CHRM3: variants seen among roughly 807,000 people sequenced by gnomAD.
CHRM3 encodes muscarinic acetylcholine receptor M3.
Under a neutral mutation model 41.8 loss-of-function variants are expected in CHRM3, and 11 were observed. The observed-to-expected ratio is 0.26, with a 90% CI of 0.17 to 0.44. The LOEUF (loss-of-function observed/expected upper bound fraction) is 0.44. CHRM3 is among the 20% of genes least tolerant of loss of function. The pLI, the probability that CHRM3 is intolerant of heterozygous loss-of-function variation, is 1.00. For synonymous variants in CHRM3, 297 were observed against 301.4 expected (o/e 0.99, Z 0.15); for missense variants, 571 against 745.4 (o/e 0.77, Z 2.72).
intron 6 of CHRM3, among the ~76,000 whole-genome samples, chr1:239,873,288 A>G (rs1256554253): frequency 6.6e-6 from 1 of 152,118 alleles, no homozygotes; most frequent in Non-Finnish European, 1.5e-5. Context: ...AATAAACCCT[A>G]CCTTTGCTTC....
intron 2 of CHRM3, among the ~76,000 whole-genome samples, chr1:239,526,945 A>C (rs970036194): frequency 6.6e-6 from 1 of 151,862 alleles, no homozygotes; most frequent in Non-Finnish European, 1.5e-5. Context: ...ATATAGGGAG[A>C]CCCTGTCTCT....
At chr1:239,389,613 C>T (rs1658844860) in intron 1 of CHRM3, among the ~76,000 whole-genome samples, 1 of 152,140 alleles carries the variant, frequency 6.6e-6, no homozygotes, top group Non-Finnish European at 1.5e-5. Flanking sequence ...AATTGGCAGA[C>T]ATAGAATTTC....
intron 3 of CHRM3, among the ~76,000 whole-genome samples, chr1:239,552,467 T>C (rs1476074855): frequency 2.0e-5 from 3 of 147,520 alleles, no homozygotes; most frequent in Non-Finnish European, 4.5e-5. Flanking sequence ...TTTATATATG[T>C]ATAGATGATA....
intron 3 of CHRM3, among the ~76,000 whole-genome samples, chr1:239,595,869 C>T (rs1489289839): frequency 1.3e-5 from 2 of 151,964 alleles, no homozygotes; most frequent in African/African-American, 2.4e-5. Context: ...TACAGATAGT[C>T]CCATAATTCT....
chr1:239,423,147 T>G (rs1459368192), intron 1 of CHRM3, among the ~76,000 whole-genome samples: 1 of 152,220 alleles, frequency 6.6e-6, no homozygotes, highest in Non-Finnish European at 1.5e-5. Flanking sequence ...TGCCTGTACC[T>G]AGGGAATCTC....
intron 2 of CHRM3, 148 bp from the exon 3 acceptor site, chr1:239,545,493 G>A (rs1659204564): frequency 6.6e-6 from 1 of 152,046 alleles, no homozygotes; most frequent in Non-Finnish European, 1.5e-5. Context: ...AACAATAGAG[G>A]TATGTAGGTT....
intron 5 of CHRM3, among the ~76,000 whole-genome samples, chr1:239,749,836 T>C (rs1665664307): frequency 6.6e-6 from 1 of 152,218 alleles, no homozygotes; most frequent in South Asian, 2.1e-4. Flanking sequence ...TAGGGTATTC[T>C]GACCTCAAAA....
intron 4 of CHRM3, among the ~76,000 whole-genome samples, chr1:239,671,735 G>C (rs1474526151): frequency 1.3e-5 from 2 of 151,362 alleles, no homozygotes; most frequent in African/African-American, 4.9e-5. Context: ...ACTCTGCCTT[G>C]GATATAATTG....
At chr1:239,691,677 A>T (rs7523711) in intron 5 of CHRM3, among the ~76,000 whole-genome samples, 20,956 of 152,188 alleles carry the variant, frequency 0.14, 3,757 homozygotes, top group African/African-American at 0.41. Context: ...CCACTCATAA[A>T]TTTAAATGAA....
At chr1:239,759,317 A>G (rs1463831262) in intron 5 of CHRM3, among the ~76,000 whole-genome samples, 1 of 146,980 alleles carries the variant, frequency 6.8e-6, no homozygotes, top group African/African-American at 2.5e-5. Flanking sequence ...ATTATTTTGA[A>G]AAAAAAAAAA....
intron 3 of CHRM3, among the ~76,000 whole-genome samples, chr1:239,597,180 T>A (rs960968128): frequency 2.6e-5 from 4 of 152,220 alleles, no homozygotes; most frequent in African/African-American, 9.7e-5. Context: ...CATTTTATTA[T>A]CATCAGCGGC....
At chr1:239,877,443 G>T (rs1342249245) in intron 6 of CHRM3, among the ~76,000 whole-genome samples, 1 of 151,968 alleles carries the variant, frequency 6.6e-6, no homozygotes, top group Non-Finnish European at 1.5e-5. Context: ...AAAGAAAGGA[G>T]AGAATAAAAT....
intron 1 of CHRM3, among the ~76,000 whole-genome samples, chr1:239,443,982 T>C (rs1177955658): frequency 6.6e-6 from 1 of 152,188 alleles, no homozygotes; most frequent in African/African-American, 2.4e-5. Context: ...ATATTTATTG[T>C]CTTAATGCTT....
chr1:239,829,828 A>G (rs936698171), intron 6 of CHRM3, among the ~76,000 whole-genome samples: 2 of 152,214 alleles, frequency 1.3e-5, no homozygotes, highest in Non-Finnish European at 2.9e-5. Context: ...TCAGAGCCTC[A>G]GAATTGCTAG....
At chr1:239,564,647 A>G (rs562063161) in intron 3 of CHRM3, among the ~76,000 whole-genome samples, 51 of 152,220 alleles carry the variant, frequency 3.4e-4, no homozygotes, top group African/African-American at 1.1e-3. Context: ...GCAACCAACT[A>G]TAGTTTTTAG....
chr1:239,505,654 A>C (rs577840340), intron 2 of CHRM3, among the ~76,000 whole-genome samples: 2 of 152,342 alleles, frequency 1.3e-5, no homozygotes, highest in African/African-American at 4.8e-5. Flanking sequence ...GGACCAATAC[A>C]GTAAATTGGT....
At chr1:239,520,356 G>C (rs1408781101) in intron 2 of CHRM3, among the ~76,000 whole-genome samples, 2 of 152,124 alleles carry the variant, frequency 1.3e-5, no homozygotes, top group African/African-American at 4.8e-5. Flanking sequence ...ATCGGATCGT[G>C]GGGGCGGATT....
intron 1 of CHRM3, among the ~76,000 whole-genome samples, chr1:239,390,023 A>G (rs1371546255): frequency 3.3e-5 from 5 of 152,218 alleles, no homozygotes; most frequent in Non-Finnish European, 7.3e-5. Flanking sequence ...TTTATATCAT[A>G]TGATGACTAA....
chr1:239,479,033 A>T (rs913322684), intron 1 of CHRM3, among the ~76,000 whole-genome samples: 1 of 152,006 alleles, frequency 6.6e-6, no homozygotes, highest in Non-Finnish European at 1.5e-5. Flanking sequence ...AAAATACAAA[A>T]ATTAGCCAGG....
Sources: gnomAD v4.1 joint callset for allele counts (sites outside exome capture counted in the v4.1 genomes callset) on GRCh38, gnomAD v4.1.1 for gene constraint, MANE v1.5 for transcripts, NCBI Gene and HGNC (gene_info 2026-07-23, HGNC 2026-07-21) for gene names.